INTS9: variants seen among roughly 807,000 people sequenced by gnomAD.
INTS9 encodes protein related to CPSF subunits of 74 kDa.
Under a neutral mutation model 79.7 loss-of-function variants are expected in INTS9, and 55 were observed. The observed-to-expected ratio is 0.69, with a 90% CI of 0.56 to 0.86. INTS9 has a LOEUF of 0.86. Ranked by LOEUF, INTS9 falls within the 40% of genes least tolerant of loss-of-function variation. The pLI, the probability that INTS9 is intolerant of heterozygous loss-of-function variation, is 0.00. For missense variants in INTS9, 721 were observed against 831.5 expected (o/e 0.87, Z 1.64); for synonymous variants, 319 against 325.2 (o/e 0.98, Z 0.20).
At chr8:28,818,587 C>T (rs565052378) in intron 6 of INTS9, among the ~76,000 whole-genome samples, 126 of 151,212 alleles carry the variant, frequency 8.3e-4, no homozygotes, top group Non-Finnish European at 1.3e-3. Flanking sequence ...CATCAATGTT[C>T]ATCAAGGATA....
intron 8 of INTS9, among the ~76,000 whole-genome samples, chr8:28,811,888 T>C (rs1470187356): frequency 6.6e-6 from 1 of 152,218 alleles, no homozygotes; most frequent in Non-Finnish European, 1.5e-5. Flanking sequence ...GTTTACCTAC[T>C]ATACACCATC....
chr8:28,881,230 T>A (rs1317477987), intron 1 of INTS9, among the ~76,000 whole-genome samples: 11 of 116,380 alleles, frequency 9.5e-5, no homozygotes, highest in Middle Eastern at 5.4e-3. Flanking sequence ...GCCCGGCCAG[T>A]CGCCCCGTCC....
At chr8:28,770,575 A>G (rs1802471625) in intron 15 of INTS9, among the ~76,000 whole-genome samples, 1 of 152,250 alleles carries the variant, frequency 6.6e-6, no homozygotes, top group Non-Finnish European at 1.5e-5. Flanking sequence ...AAGGTGACAC[A>G]GTCCAGATCT....
At chr8:28,877,376 A>T (rs939852920) in intron 1 of INTS9, among the ~76,000 whole-genome samples, 3 of 152,184 alleles carry the variant, frequency 2.0e-5, no homozygotes, top group African/African-American at 7.2e-5. Flanking sequence ...ATATAATGAC[A>T]TAATATTTTT....
At chr8:28,770,107 A>T (rs917276726) in intron 15 of INTS9, 81 bp from the exon 16 acceptor site, 2 of 1,533,460 alleles carry the variant, frequency 1.3e-6, no homozygotes, top group Non-Finnish European at 1.8e-6. Flanking sequence ...AGAGCCTGAG[A>T]CTATCCTGTC....
At chr8:28,801,538 C>T (rs931043209) in intron 8 of INTS9, among the ~76,000 whole-genome samples, 3 of 151,788 alleles carry the variant, frequency 2.0e-5, no homozygotes, top group African/African-American at 7.3e-5. Context: ...AAAACAAAAA[C>T]CTTGATACAA....
Position 28,812,641 on chromosome 8 carries a change from C to G in INTS9, c.610-180G>C, listed in dbSNP as rs1439000365. 5.3e-5 allele frequency among the ~76,000 whole-genome samples: 8 copies of G among 152,276 alleles called. No homozygotes were observed. The East Asian group carries it at 1.4e-3, about 26-fold the overall frequency. On this transcript the variant is annotated intron_variant, in intron 7 of 16. Transcript: ENST00000521022. ...ATCCCAGCACTTTGGGAGGCTGAGGCCAGGAGTTCAAGACCAGCCTGGGCA... is the reference window on the plus strand; with the variant it reads ...ATCCCAGCACTTTGGGAGGCTGAGGGCAGGAGTTCAAGACCAGCCTGGGCA...
chr8:28,773,872 G>A (rs970246796), intron 14 of INTS9, among the ~76,000 whole-genome samples: 15 of 152,098 alleles, frequency 9.9e-5, no homozygotes, highest in Non-Finnish European at 5.9e-5. Flanking sequence ...ATCCACGTAG[G>A]AGTGCGGTGG....
chr8:28,825,850 C>T (rs1201675328), intron 6 of INTS9, among the ~76,000 whole-genome samples: 1 of 152,202 alleles, frequency 6.6e-6, no homozygotes, highest in Admixed American at 6.5e-5. Flanking sequence ...CAAGTAGGGA[C>T]ACAATTTACT....
At chr8:28,885,540 C>G (rs906541285) in intron 1 of INTS9, among the ~76,000 whole-genome samples, 4 of 152,220 alleles carry the variant, frequency 2.6e-5, no homozygotes, top group Admixed American at 2.6e-4. Context: ...TCTTTGTTGA[C>G]TGAATAAGCC....
In INTS9 at chr8:28,888,932, T is replaced by TAAAA. The variant is rs1810371403; in HGVS notation, c.9+941_9+942insTTTT. Among the ~76,000 whole-genome samples the TAAAA allele has an allele frequency of 2.0e-5, 3 of 151,548 alleles. No individual in the cohort carries two copies. In the East Asian group the frequency reaches 5.8e-4, roughly 29 times the overall value. ...AACTTTTTTTTTTTTTGAGACAGAG[T>TAAAA]CTCGCGCTGTTGCAAGGCTGGAGTG... On this transcript the variant is annotated intron_variant, in intron 1 of 16. Coordinates refer to ENST00000521022, the MANE Select transcript of INTS9 (RefSeq NM_018250.4).
chr8:28,878,591 G>GGAT (rs1809518735), intron 1 of INTS9, among the ~76,000 whole-genome samples: 1 of 150,940 alleles, frequency 6.6e-6, no homozygotes, highest in Non-Finnish European at 1.5e-5. Flanking sequence ...CAAAGTGCTG[G>GGAT]GATTATAGGT....
intron 11 of INTS9, among the ~76,000 whole-genome samples, chr8:28,781,588 A>G (rs1344707320): frequency 6.6e-6 from 1 of 152,220 alleles, no homozygotes; most frequent in Non-Finnish European, 1.5e-5. Flanking sequence ...GCATCCAGAC[A>G]ATGGAATATT....
intron 6 of INTS9, among the ~76,000 whole-genome samples, chr8:28,821,308 A>G (rs1805813774): frequency 6.6e-6 from 1 of 152,222 alleles, no homozygotes; most frequent in Non-Finnish European, 1.5e-5. Flanking sequence ...GATACTTCTT[A>G]CATGGCGGTG....
chr8:28,789,983 C>CA (rs1273621841), intron 10 of INTS9, among the ~76,000 whole-genome samples: 2 of 152,170 alleles, frequency 1.3e-5, no homozygotes, highest in African/African-American at 4.8e-5. Context: ...CCATCCCCTG[C>CA]AAAAACAAAA....
At chr8:28,817,417 T>C (rs921037057) in intron 6 of INTS9, among the ~76,000 whole-genome samples, 20 of 152,154 alleles carry the variant, frequency 1.3e-4, no homozygotes, top group Admixed American at 1.2e-3. Flanking sequence ...AGGGAATCCT[T>C]TCCCCATTGC....
intron 6 of INTS9, among the ~76,000 whole-genome samples, chr8:28,823,163 T>C (rs894637783): frequency 1.3e-5 from 2 of 152,104 alleles, no homozygotes. Flanking sequence ...GGTGGCAGGA[T>C]ATGCCACCCT....
Position 28,769,924 on chromosome 8 carries a change from T to C in INTS9, c.1765A>G (p.Ile589Val). 6.2e-7 allele frequency: 1 copy of C among 1,614,216 alleles called. No homozygotes were observed. Among genetic ancestry groups the C allele is most frequent in the Non-Finnish European group, 8.5e-7 (1 of 1,180,028 alleles). ...GTCTGCACGAACTGCTCCACAGGGATGGAACCGCTCAACAAAGGCTTCAGG... is the reference window on the plus strand; with the variant it reads ...GTCTGCACGAACTGCTCCACAGGGACGGAACCGCTCAACAAAGGCTTCAGG... ...KVLKPLLSGS[I>V]PVEQFVQTLE... Residue 589 changes from isoleucine to valine, a missense_variant, in exon 16 of 17, where the codon ATC (isoleucine) becomes GTC (valine). This residue lies in a region of INTS9 where 281 missense variants were observed against 300.8 expected (regional missense o/e 0.93). Transcript: ENST00000521022.
chr8:28,878,990 A>C (rs1290734164), intron 1 of INTS9, among the ~76,000 whole-genome samples: 1 of 152,126 alleles, frequency 6.6e-6, no homozygotes, highest in Admixed American at 6.5e-5. Context: ...AAAAAAAAAA[A>C]AATTAAAGAG....
Sources: gnomAD v4.1 joint callset for allele counts (sites outside exome capture counted in the v4.1 genomes callset) on GRCh38, gnomAD v4.1.1 for gene constraint, gnomAD v4.1.1 regional missense constraint, MANE v1.5 for transcripts, NCBI Gene and HGNC (gene_info 2026-07-23, HGNC 2026-07-21) for gene names.